Variants in SLC25A28 observed in about 807,000 individuals in gnomAD.
The protein encoded by SLC25A28 is solute carrier family 25 member 28.
A neutral mutation model predicts 31.9 loss-of-function variants in SLC25A28; 10 were observed. That is an observed-to-expected ratio of 0.31 (90% CI 0.19 to 0.53). The LOEUF is 0.53. Ranked by LOEUF, SLC25A28 falls within the 20% of genes least tolerant of loss-of-function variation. SLC25A28 has a pLI of 0.95. For missense variants in SLC25A28, 256 were observed against 490.3 expected (o/e 0.52, Z 4.51); for synonymous variants, 208 against 203.6 (o/e 1.02, Z -0.19).
the SLC25A28 span, among the ~76,000 whole-genome samples, chr10:99,649,584 G>A: frequency 6.6e-6 from 1 of 152,084 alleles, no homozygotes; most frequent in African/African-American, 2.4e-5. Context: ...ATGGTTCTGG[G>A]CTTTTTTTGT....
chr10:99,615,879 C>T, intron 1 of SLC25A28: 1 of 985,406 alleles, frequency 1.0e-6, no homozygotes, highest in South Asian at 4.7e-5. Context: ...TATTTGGCTA[C>T]CAATTCTGAA....
chr10:99,616,292 C>T, intron 1 of SLC25A28: 2 of 836,920 alleles, frequency 2.4e-6, no homozygotes, highest in Non-Finnish European at 2.9e-6. Context: ...TTGGGTATGT[C>T]ACTTAACCTC....
chr10:99,615,207 A>G (rs1255328263), intron 1 of SLC25A28, among the ~76,000 whole-genome samples: 4 of 152,082 alleles, frequency 2.6e-5, no homozygotes, highest in Admixed American at 2.0e-4. Flanking sequence ...ATACAAAAAA[A>G]TTAGCCGGGC....
In SLC25A28 at chr10:99,613,624, T is replaced by C; in HGVS notation, c.520+72A>G. The stretch of plus-strand genomic sequence containing the variant: ...CTTCAGCTCCAAACCATGCTGAGAC[T>C]GGAAAGCACTGACAGCAGCAAAGCC... On this transcript the variant is annotated intron_variant, in intron 2 of 3. Transcript: ENST00000370495. The surrounding 1 kb of genome is among the most constrained non-coding windows in gnomAD (Gnocchi z 4.9). 1.2e-6 allele frequency: 2 copies of C among 1,607,352 alleles called. No homozygotes were observed. The highest frequency in any genetic ancestry group is 2.2e-5 in the South Asian group (2 of 89,944).
At chr10:99,653,618 C>G in the SLC25A28 span, among the ~76,000 whole-genome samples, 1 of 152,214 alleles carries the variant, frequency 6.6e-6, no homozygotes, top group East Asian at 1.9e-4. Context: ...CCGTTTTCTT[C>G]CGTCTTATCT....
chr10:99,645,608 C>T, the SLC25A28 span, among the ~76,000 whole-genome samples: 4 of 152,242 alleles, frequency 2.6e-5, no homozygotes, highest in Non-Finnish European at 5.9e-5. Flanking sequence ...TGGCGAGGAG[C>T]TGCTTTCCTT....
chr10:99,612,490 T>TAAAG, intron 3 of SLC25A28, 53 bp downstream of exon 3: 1 of 1,592,270 alleles, frequency 6.3e-7, no homozygotes, highest in Non-Finnish European at 8.6e-7. Context: ...CTGCAAACTG[T>TAAAG]AAAGAAATAC....
chr10:99,653,268 G>C, the SLC25A28 span, among the ~76,000 whole-genome samples: 2 of 152,154 alleles, frequency 1.3e-5, no homozygotes, highest in African/African-American at 4.8e-5. Context: ...CACCCTGGGG[G>C]AAGCCAGCTA....
rs1225812041 is a variant in SLC25A28 at position 99,614,986 on chromosome 10, T to G, written c.292-1062A>C. Among the ~76,000 whole-genome samples the G allele has an allele frequency of 3.3e-5, 5 of 152,232 alleles. No individual in the cohort carries two copies. The South Asian group carries it at 8.3e-4, about 25-fold the overall frequency. ...TCAGCTACAATCACTGGTGAGCCAA[T>G]GGAAGCAAGTGATGCCCAAGTACAG... On this transcript the variant is annotated intron_variant, in intron 1 of 3. Coordinates refer to ENST00000370495, the MANE Select transcript of SLC25A28 (RefSeq NM_031212.4).
chr10:99,620,308 C>A lies in SLC25A28; in HGVS notation c.28G>T (p.Gly10Cys). Residue 10 changes from glycine to cysteine, a missense_variant, in exon 1 of 4, where the codon GGT becomes TGT. This residue lies in a region of SLC25A28 where 47 missense variants were observed against 41.4 expected (regional missense o/e 1.14). Transcript: ENST00000370495. Reference protein sequence around the residue: MELEGRGAGGVAGGPAAGPG... With the variant: MELEGRGAGCVAGGPAAGPG... ...CCTGCCGCCGGCCCCCCCGCCACAC[C>A]GCCAGCACCCCGCCCCTCCAACTCC... The A allele has an allele frequency of 8.6e-7, 1 of 1,157,438 alleles. No homozygotes were observed. Among genetic ancestry groups the A allele is most frequent in the Non-Finnish European group, 1.1e-6 (1 of 939,962 alleles). 71.7% of individuals were successfully genotyped at this position (1,157,438 alleles called of 1,614,324 possible).
the SLC25A28 span, among the ~76,000 whole-genome samples, chr10:99,633,470 T>C: frequency 6.6e-6 from 1 of 151,854 alleles, no homozygotes; most frequent in Non-Finnish European, 1.5e-5. Context: ...CTGAGGCAGG[T>C]GGATCACCTG....
chr10:99,640,714 G>A, the SLC25A28 span, among the ~76,000 whole-genome samples: 13 of 147,954 alleles, frequency 8.8e-5, no homozygotes, highest in Non-Finnish European at 1.5e-4. Context: ...ATCCCTCCCC[G>A]CTCCCGCCAC....
At position 99,610,963 on chromosome 10, in the gene SLC25A28, C is replaced by A; in HGVS notation, c.981G>T (p.Gly327=). 6.2e-7 allele frequency: 1 copy of A among 1,614,180 alleles called. No individual in the cohort carries two copies. The highest frequency in any genetic ancestry group is 2.2e-5 in the East Asian group (1 of 44,882). Residue 327 remains glycine, a synonymous_variant, in exon 4 of 4, where the codon GGG becomes GGT. Transcript: ENST00000370495. ...TCTGGTAAATTACTCTGGCCTGCACCCCTCGGAAATAGGCGGTCACCCCAC... is the reference window on the plus strand; with the variant it reads ...TCTGGTAAATTACTCTGGCCTGCACACCTCGGAAATAGGCGGTCACCCCAC... ...QVGGVTAYFR[G]VQARVIYQIP...
At chr10:99,647,261 C>T in the SLC25A28 span, among the ~76,000 whole-genome samples, 1 of 152,190 alleles carries the variant, frequency 6.6e-6, no homozygotes, top group African/African-American at 2.4e-5. Context: ...AAAGGTTGTA[C>T]TAATTTACAT....
At chr10:99,641,875 G>T in the SLC25A28 span, among the ~76,000 whole-genome samples, 1 of 151,450 alleles carries the variant, frequency 6.6e-6, no homozygotes, top group Middle Eastern at 3.4e-3. Context: ...TCAGATGGTT[G>T]TAGATGTGTG....
intron 1 of SLC25A28, 95 bp from the exon 2 acceptor site, chr10:99,614,019 AATCTGTGAGAGGGAT>A: frequency 7.2e-7 from 1 of 1,385,268 alleles, no homozygotes; most frequent in East Asian, 2.5e-5. Flanking sequence ...GAGCTGTGCC[AATCTGTGAGAGGGAT>A]ATCTGGCTTT....
At chr10:99,650,162 T>A in the SLC25A28 span, among the ~76,000 whole-genome samples, 19 of 152,308 alleles carry the variant, frequency 1.2e-4, no homozygotes, top group Middle Eastern at 3.4e-3. Flanking sequence ...TAAAATTTTT[T>A]AAAATTTCCA....
At chr10:99,655,447 A>G in the SLC25A28 span, among the ~76,000 whole-genome samples, 12 of 152,346 alleles carry the variant, frequency 7.9e-5, no homozygotes, top group African/African-American at 2.9e-4. Context: ...TATTTAAAAA[A>G]TAGGTAGGAA....
the SLC25A28 span, among the ~76,000 whole-genome samples, chr10:99,651,444 C>A: frequency 1.3e-5 from 2 of 152,148 alleles, no homozygotes; most frequent in African/African-American, 2.4e-5. Context: ...TTTGAGAATT[C>A]TTTTCATATT....
Sources: gnomAD v4.1 joint callset for allele counts (sites outside exome capture counted in the v4.1 genomes callset) on GRCh38, gnomAD v4.1.1 for gene constraint, gnomAD v4.1.1 regional missense constraint, Gnocchi (gnomAD v3.1) non-coding constraint, MANE v1.5 for transcripts, NCBI Gene and HGNC (gene_info 2026-07-23, HGNC 2026-07-21) for gene names.